MUC17: variants seen among roughly 807,000 people sequenced by gnomAD.
MUC17 encodes the protein mucin-17.
In MUC17, 190 loss-of-function variants were observed where a neutral mutation model predicts 170.3. The ratio of observed to expected loss-of-function variants is 1.12; its 90% CI spans 0.99 to 1.26. The LOEUF is 1.26. MUC17 is among the 50% of genes most tolerant of loss of function. The pLI, the probability that MUC17 is intolerant of heterozygous loss-of-function variation, is 0.00. For missense variants in MUC17, 6,415 were observed against 5,530.0 expected, an observed-to-expected ratio of 1.16 and a Z score of -5.08; for synonymous variants, 2,325 against 2,002.5, an observed-to-expected ratio of 1.16 and a Z score of -4.30.
Position 101,032,685 on chromosome 7 carries a change from T to A in MUC17, c.1269T>A (p.Phe423Leu). The stretch of plus-strand genomic sequence containing the variant: ...CAATTCCTGTTGACTCCAAAACTTT[T>A]GTGACCACTGCTAGTGAAGCCAGCT... ...TSTIPVDSKT[F>L]VTTASEASSS... The change falls in exon 3 of 13, where the codon TTT (phenylalanine) becomes TTA (leucine). Residue 423 changes from phenylalanine to leucine, a missense_variant. Physicochemically the swap from Phe to Leu is conservative, Grantham distance 22. Coordinates refer to ENST00000306151, the MANE Select transcript of MUC17 (RefSeq NM_001040105.2). 6.4e-7 allele frequency: 1 copy of A among 1,573,218 alleles called. No individual in the cohort carries two copies.
chr7:101,048,215 G>A lies in MUC17; in HGVS notation c.12535+100G>A, dbSNP rs543673433. The A allele has an allele frequency of 2.2e-5, 27 of 1,200,708 alleles. No individual in the cohort carries two copies. The East Asian group carries it at 4.5e-4, about 20-fold the overall frequency. The allele number at this position is 1,200,708 out of a possible 1,614,324, so 74.4% of individuals were successfully genotyped here. ...CACCTTGATGTGAGGCCAGGAATAG[G>A]GCCTCTTCTGGGCTGTGGTGTTTTT... On this transcript the variant is annotated intron_variant, in intron 4 of 12. Coordinates refer to ENST00000306151, the MANE Select transcript of MUC17 (RefSeq NM_001040105.2).
rs368614637 is a variant in MUC17, at chr7:101,032,610, G to A, written c.1194G>A (p.Met398Ile). The change falls in exon 3 of 13, where the codon ATG becomes ATA. Residue 398 changes from methionine (M) to isoleucine (I), a missense_variant. Met to Ile is a conservative substitution (Grantham distance 10, BLOSUM62 1). Transcript: ENST00000306151. ...LSEGSTPLTN[M>I]PVSTILVASS... ...AAGGAAGCACTCCATTAACAAATAT[G>A]CCTGTCAGCACCATATTGGTGGCCA... The A allele has an allele frequency of 5.0e-5, 81 of 1,613,742 alleles. No individual in the cohort carries two copies. Among genetic ancestry groups the A allele is most frequent in the Non-Finnish European group, 6.9e-5 (81 of 1,179,956 alleles).
In MUC17 at chr7:101,039,259, CCTA is replaced by C; in HGVS notation, c.7845_7847del (p.Thr2617del). The C allele has an allele frequency of 6.2e-7, 1 of 1,613,286 alleles. No homozygotes were observed. The highest frequency in any genetic ancestry group is 8.5e-7 in the Non-Finnish European group (1 of 1,179,694). ...CACTTCTACTGAAACCAGTTCATCTCCTACAACTGCAAAAGATACCAGCATGCC... is the reference window on the plus strand; with the variant it reads ...CACTTCTACTGAAACCAGTTCATCTCCAACTGCAAAAGATACCAGCATGCC... On this transcript the variant is annotated inframe_deletion, in exon 3 of 13. Coordinates refer to ENST00000306151, the MANE Select transcript of MUC17 (RefSeq NM_001040105.2).
In MUC17 at chr7:101,042,194, C is replaced by A; in HGVS notation, c.10778C>A (p.Ala3593Asp). ...AGCACATATGTGACCAGTTCTGAGGCTAGCACACCTTCCACTCCTTCTGTT... is the reference window on the plus strand; with the variant it reads ...AGCACATATGTGACCAGTTCTGAGGATAGCACACCTTCCACTCCTTCTGTT... ...LSSTYVTSSE[A>D]STPSTPSVDR... The change falls in exon 3 of 13, where the codon GCT (alanine) becomes GAT (aspartate). Residue 3593 changes from alanine (A) to aspartate (D), a missense_variant. Transcript: ENST00000306151. 6.2e-7 allele frequency: 1 copy of A among 1,614,206 alleles called. No individual in the cohort carries two copies. The highest frequency in any genetic ancestry group is 1.1e-5 in the South Asian group (1 of 91,086).
Position 101,041,826 on chromosome 7 carries a change from G to C in MUC17, c.10410G>C (p.Val3470=). Residue 3470 remains valine, a synonymous_variant, in exon 3 of 13, where the codon GTG becomes GTC. Coordinates refer to ENST00000306151, the MANE Select transcript of MUC17 (RefSeq NM_001040105.2). ...LSIMPLSTTP[V]ASSEASTLST... ...TTATGCCTCTCAGTACCACGCCGGT[G>C]GCCAGTTCTGAGGCTAGCACCCTTT... 1 of 1,613,822 alleles carries C rather than the reference G, an allele frequency of 6.2e-7. No homozygotes were observed. Among genetic ancestry groups the C allele is most frequent in the Non-Finnish European group, 8.5e-7 (1 of 1,179,964 alleles).
In MUC17 at chr7:101,036,349, A is replaced by T; in HGVS notation, c.4933A>T (p.Ser1645Cys). 1 of 1,613,814 alleles carries T rather than the reference A, an allele frequency of 6.2e-7. No homozygotes were observed. ...ACCTGTCAGCACCACGCCGGTGGCC[A>T]GTCCTGAGGCTAGCACCCTTTCAAC... ...SIPVSTTPVA[S>C]PEASTLSTTP... The change falls in exon 3 of 13, where the codon AGT becomes TGT. Residue 1645 changes from serine (S) to cysteine (C), a missense_variant. Coordinates refer to ENST00000306151, the MANE Select transcript of MUC17 (RefSeq NM_001040105.2).
chr7:101,039,973 A>G lies in MUC17; in HGVS notation c.8557A>G (p.Thr2853Ala), dbSNP rs1794635600. The change falls in exon 3 of 13, where the codon ACT (threonine) becomes GCT (alanine). Residue 2853 changes from threonine (T) to alanine (A), a missense_variant. By Grantham distance (58) the Thr-to-Ala change is moderately conservative. Coordinates refer to ENST00000306151, the MANE Select transcript of MUC17 (RefSeq NM_001040105.2). The stretch of plus-strand genomic sequence containing the variant: ...TACTAAAGCCAGTTCATCTCCTACA[A>G]CTGCTGAAGGTATCGTCGTGCCAAT... Reference protein sequence around the residue: ...TSTKASSSPTTAEGIVVPIST... With the variant: ...TSTKASSSPTAAEGIVVPIST... 1.9e-6 allele frequency: 3 copies of G among 1,613,110 alleles called. No homozygotes were observed. The African/African-American group carries it at 4.0e-5, about 22-fold the overall frequency.
At chr7:101,024,219 G>A (rs892639644) in intron 1 of MUC17, among the ~76,000 whole-genome samples, 4 of 151,874 alleles carry the variant, frequency 2.6e-5, no homozygotes, top group African/African-American at 9.7e-5. Context: ...GGCCAACCTG[G>A]CAAAACCCCA....
At chr7:101,020,800 G>A (rs1422564111) in intron 1 of MUC17, among the ~76,000 whole-genome samples, 1 of 152,186 alleles carries the variant, frequency 6.6e-6, no homozygotes, top group Admixed American at 6.5e-5. Flanking sequence ...CAAAAGACAA[G>A]GCATTAGGAC....
At chr7:101,050,954 T>C (rs1794931146) in intron 7 of MUC17, among the ~76,000 whole-genome samples, 1 of 151,954 alleles carries the variant, frequency 6.6e-6, no homozygotes, top group South Asian at 2.1e-4. Flanking sequence ...GCAGACCAGA[T>C]CTTGCAGGGT....
intron 3 of MUC17, among the ~76,000 whole-genome samples, chr7:101,044,340 C>T (rs1794797918): frequency 6.6e-6 from 1 of 152,176 alleles, no homozygotes; most frequent in African/African-American, 2.4e-5. Context: ...AAAAAGTGGG[C>T]AAAGGATAAG....
Position 101,039,164 on chromosome 7 carries a change from C to T in MUC17, c.7748C>T (p.Thr2583Ile), listed in dbSNP as rs755367831. ...STPLRSMPVSTKPLASSEAST... is the reference protein window; with the variant it reads ...STPLRSMPVSIKPLASSEAST... ...CCATTAAGAAGTATGCCTGTCAGCA[C>T]CAAGCCGTTGGCCAGTTCTGAGGCT... The change falls in exon 3 of 13, where the codon ACC (threonine) becomes ATC (isoleucine). Residue 2583 changes from threonine (T) to isoleucine (I), a missense_variant. Transcript: ENST00000306151. The T allele has an allele frequency of 1.9e-6, 3 of 1,613,910 alleles. No homozygotes were observed. The highest frequency in any genetic ancestry group is 2.2e-5 in the East Asian group (1 of 44,888).
chr7:101,038,974 A>G lies in MUC17; in HGVS notation c.7558A>G (p.Ile2520Val), dbSNP rs1463908632. ...ASEGSTLLTS[I>V]PVSTTPVASP... Reference sequence around the variant, plus strand: ...TGAAGGAAGTACTCTATTAACAAGTATACCTGTCAGCACCACGCCAGTGGC... The same window carrying G: ...TGAAGGAAGTACTCTATTAACAAGTGTACCTGTCAGCACCACGCCAGTGGC... The change falls in exon 3 of 13, where the codon ATA becomes GTA. Residue 2520 changes from isoleucine to valine, a missense_variant. Transcript: ENST00000306151. 1.9e-6 allele frequency: 3 copies of G among 1,613,692 alleles called. No homozygotes were observed. The highest frequency in any genetic ancestry group is 1.7e-6 in the Non-Finnish European group (2 of 1,179,924).
chr7:101,034,161 A>T lies in MUC17; in HGVS notation c.2745A>T (p.Pro915=). The T allele has an allele frequency of 6.3e-7, 1 of 1,584,532 alleles. No individual in the cohort carries two copies. Among genetic ancestry groups the T allele is most frequent in the Non-Finnish European group, 8.6e-7 (1 of 1,164,078 alleles). The change falls in exon 3 of 13, where the codon CCA becomes CCT. Residue 915 remains proline, a synonymous_variant. Coordinates refer to ENST00000306151, the MANE Select transcript of MUC17 (RefSeq NM_001040105.2). ...SPTTSEGTSM[P]TSTPGEGSTP... ...CAACTTCTGAAGGTACCAGCATGCCAACCTCAACTCCTGGGGAAGGAAGCA... is the reference window on the plus strand; with the variant it reads ...CAACTTCTGAAGGTACCAGCATGCCTACCTCAACTCCTGGGGAAGGAAGCA...
In MUC17 at chr7:101,038,937, C is replaced by A. The variant is rs145635697; in HGVS notation, c.7521C>A (p.Ile2507=). 3.7e-4 allele frequency: 597 copies of A among 1,613,996 alleles called. 1 individual carries two copies. The highest frequency in any genetic ancestry group is 4.7e-4 in the Non-Finnish European group (555 of 1,180,022). ...PTTAEDIVVP[I]STASEGSTLL... Reference sequence around the variant, plus strand: ...CTGCTGAAGATATCGTCGTGCCAATCTCAACTGCTAGTGAAGGAAGTACTC... The same window carrying A: ...CTGCTGAAGATATCGTCGTGCCAATATCAACTGCTAGTGAAGGAAGTACTC... Residue 2507 remains isoleucine (I), a synonymous_variant, in exon 3 of 13, where the codon ATC becomes ATA. Transcript: ENST00000306151.
In MUC17 at chr7:101,042,714, G is replaced by A. The variant is rs770048436; in HGVS notation, c.11298G>A (p.Thr3766=). 4.3e-6 allele frequency: 7 copies of A among 1,613,614 alleles called. No individual in the cohort carries two copies. The highest frequency in any genetic ancestry group is 2.7e-5 in the African/African-American group (2 of 74,898). ...TTILVSTTPV[T]RFPESSTPSI... is the part of the protein sequence containing the mutation. ...TTCTTGTCAGTACCACACCTGTTAC[G>A]AGGTTTCCTGAGAGTAGCACCCCTT... Residue 3766 remains threonine, a synonymous_variant, in exon 3 of 13, where the codon ACG becomes ACA. Transcript: ENST00000306151.
At chr7:101,048,305 T>A (rs1002500377) in intron 4 of MUC17, 190 bp downstream of exon 4, 27 of 476,022 alleles carry the variant, frequency 5.7e-5, no homozygotes, top group Non-Finnish European at 8.3e-5. Flanking sequence ...ACAAAATGAA[T>A]AAAATAGGCC....
rs368427859 is a variant in MUC17 at position 101,039,652 on chromosome 7, C to G, written c.8236C>G (p.Pro2746Ala). 3.1e-6 allele frequency: 5 copies of G among 1,612,182 alleles called. No individual in the cohort carries two copies. In the African/African-American group the frequency reaches 6.7e-5, roughly 22 times the overall value. Residue 2746 changes from proline to alanine, a missense_variant, in exon 3 of 13, where the codon CCT (proline) becomes GCT (alanine). Pro to Ala is a conservative substitution (Grantham distance 27). Transcript: ENST00000306151. Reference protein sequence around the residue: ...AEGTSMRISTPSDGSTPLTSI... With the variant: ...AEGTSMRISTASDGSTPLTSI... ...AGGTACCAGCATGCGAATCTCAACTCCTAGTGATGGAAGTACTCCATTAAC... is the reference window on the plus strand; with the variant it reads ...AGGTACCAGCATGCGAATCTCAACTGCTAGTGATGGAAGTACTCCATTAAC...
rs766679868 is a variant in MUC17 at position 101,037,849 on chromosome 7, C to A, written c.6433C>A (p.Pro2145Thr). The A allele has an allele frequency of 3.7e-6, 6 of 1,613,274 alleles. No individual in the cohort carries two copies. Among genetic ancestry groups the A allele is most frequent in the Non-Finnish European group, 5.1e-6 (6 of 1,179,748 alleles). The change falls in exon 3 of 13, where the codon CCT (proline) becomes ACT (threonine). Residue 2145 changes from proline to threonine, a missense_variant. Physicochemically the swap from Pro to Thr is conservative, Grantham distance 38. Transcript: ENST00000306151. ...TACTGAAGTCAGTTCATCTCCTATA[C>A]CTACTGAAGGTACCAGCATGCAAAC... ...TSTEVSSSPI[P>T]TEGTSMQTST...
Sources: gnomAD v4.1 joint callset for allele counts (sites outside exome capture counted in the v4.1 genomes callset) on GRCh38, gnomAD v4.1.1 for gene constraint, MANE v1.5 for transcripts, NCBI Gene and HGNC (gene_info 2026-07-23, HGNC 2026-07-21) for gene names.